RELN: variants seen among roughly 807,000 people sequenced by gnomAD.
RELN encodes the protein reelin.
In RELN, 108 loss-of-function variants were observed where a neutral mutation model predicts 427.6. The observed-to-expected ratio is 0.25, with a 90% confidence interval of 0.22 to 0.30. The LOEUF is 0.30. RELN is among the 10% of genes least tolerant of loss of function. RELN has a pLI of 1.00. For synonymous variants in RELN, 1,524 were observed against 1,513.4 expected (o/e 1.01, Z -0.16); for missense variants, 3,715 against 4,302.8 (o/e 0.86, Z 3.82).
chr7:103,679,606 G>C (rs527931358), intron 11 of RELN, among the ~76,000 whole-genome samples: 1 of 152,228 alleles, frequency 6.6e-6, no homozygotes, highest in South Asian at 2.1e-4. Context: ...AAGAGCACCT[G>C]AGTCATTTGG....
intron 1 of RELN, among the ~76,000 whole-genome samples, chr7:103,920,747 T>C (rs1324946178): frequency 6.6e-6 from 1 of 152,066 alleles, no homozygotes; most frequent in African/African-American, 2.4e-5. Flanking sequence ...CTAATGAATG[T>C]ATTTTTAGTA....
At chr7:103,893,164 G>C (rs921695934) in intron 2 of RELN, among the ~76,000 whole-genome samples, 1 of 152,098 alleles carries the variant, frequency 6.6e-6, no homozygotes, top group Non-Finnish European at 1.5e-5. Flanking sequence ...ACATGAAGAT[G>C]GAATGTAAGG....
At chr7:103,757,281 A>G (rs985289479) in intron 4 of RELN, among the ~76,000 whole-genome samples, 2 of 152,150 alleles carry the variant, frequency 1.3e-5, no homozygotes, top group Non-Finnish European at 2.9e-5. Flanking sequence ...CCAAGTGCTT[A>G]CCCAATGACA....
rs375752077 is a variant in RELN at position 103,604,464 on chromosome 7, G to A, written c.3028C>T (p.Arg1010Cys). 5.6e-6 allele frequency: 9 copies of A among 1,613,794 alleles called. No individual in the cohort carries two copies. The highest frequency in any genetic ancestry group is 1.3e-5 in the African/African-American group (1 of 74,930). The change falls in exon 23 of 65, where the codon CGC becomes TGC. Residue 1010 changes from arginine to cysteine, a missense_variant. Around this residue, in one of 4 missense-constraint regions of RELN, gnomAD observed 2,208 missense variants for 2,361.7 expected, o/e 0.93. Transcript: ENST00000428762. Reference sequence around the variant, plus strand: ...GCTGTGTAATAGCTCTGGCTCCAGCGGAAACGGGTAGCACTGGACCTAGAA... The same window carrying A: ...GCTGTGTAATAGCTCTGGCTCCAGCAGAAACGGGTAGCACTGGACCTAGAA... ...QKTWSSATRF[R>C]WSQSYYTAQD... is the part of the protein sequence containing the mutation.
intron 4 of RELN, among the ~76,000 whole-genome samples, chr7:103,775,262 A>G (rs1301433204): frequency 2.6e-5 from 4 of 152,188 alleles, no homozygotes; most frequent in Admixed American, 6.5e-5. Flanking sequence ...ACAAAGGCAC[A>G]TTTTAATATC....
At chr7:103,873,633 A>C (rs1794405802) in intron 2 of RELN, among the ~76,000 whole-genome samples, 1 of 121,224 alleles carries the variant, frequency 8.2e-6, no homozygotes, top group Non-Finnish European at 1.8e-5. Flanking sequence ...CTCGACACAT[A>C]CACTCTCCCA....
rs1455749393 is a variant in RELN at position 103,603,473 on chromosome 7, T to C, written c.3164A>G (p.Gln1055Arg). The change falls in exon 24 of 65, where the codon CAA becomes CGA. Residue 1055 changes from glutamine to arginine, a missense_variant. Coordinates refer to ENST00000428762, the MANE Select transcript of RELN (RefSeq NM_005045.4). The surrounding 1 kb of genome is among the most constrained non-coding windows in gnomAD (Gnocchi z 4.3). ...AGCTTCTGGGTGGCATTCAGTGCCT[T>C]GGTACCCCTGGTCACACCTATGAGA... is the stretch of plus-strand genomic sequence containing the variant. ...HGICRCDQGYQGTECHPEAAL... is the reference protein window; with the variant it reads ...HGICRCDQGYRGTECHPEAAL... 5 of 1,613,732 alleles carry C rather than the reference T, an allele frequency of 3.1e-6. No homozygotes were observed. The Admixed American group carries it at 5.0e-5, about 16-fold the overall frequency.
At chr7:103,923,863 A>T (rs1166403358) in intron 1 of RELN, among the ~76,000 whole-genome samples, 2 of 152,192 alleles carry the variant, frequency 1.3e-5, no homozygotes, top group African/African-American at 4.8e-5. Context: ...CCTTAATAAT[A>T]ATAATAGCTA....
Position 103,611,615 on chromosome 7 carries a change from T to C in RELN, c.2891A>G (p.Gln964Arg), listed in dbSNP as rs1831959600. 1 of 1,613,590 alleles carries C rather than the reference T, an allele frequency of 6.2e-7. No individual in the cohort carries two copies. The highest frequency in any genetic ancestry group is 8.5e-7 in the Non-Finnish European group (1 of 1,179,722). Residue 964 changes from glutamine to arginine, a missense_variant, in exon 21 of 65, where the codon CAA (glutamine) becomes CGA (arginine). By Grantham distance (43) the Gln-to-Arg change is conservative. Transcript: ENST00000428762. ...GTTTAAGGAAACTAGACTTACTTCTTGGACGAGGTGCCAGGTAAGGCCGTG... is the reference window on the plus strand; with the variant it reads ...GTTTAAGGAAACTAGACTTACTTCTCGGACGAGGTGCCAGGTAAGGCCGTG... Reference protein sequence around the residue: ...TNHGLTWHLVQEECLPSMPSC... With the variant: ...TNHGLTWHLVREECLPSMPSC...
At chr7:103,796,875 CAA>C (rs1310087423) in intron 3 of RELN, among the ~76,000 whole-genome samples, 17 of 67,248 alleles carry the variant, frequency 2.5e-4, no homozygotes, top group African/African-American at 7.5e-4. Flanking sequence ...CTCCATCTCA[CAA>C]AAAAAAAAAA....
At chr7:103,632,070 T>C (rs1193080245) in intron 19 of RELN, among the ~76,000 whole-genome samples, 2 of 152,214 alleles carry the variant, frequency 1.3e-5, no homozygotes, top group East Asian at 3.8e-4. Context: ...AAGCAACTTT[T>C]AAGGAAAATA....
At chr7:103,623,058 A>G (rs1357874455) in intron 20 of RELN, among the ~76,000 whole-genome samples, 1 of 152,248 alleles carries the variant, frequency 6.6e-6, no homozygotes, top group African/African-American at 2.4e-5. Flanking sequence ...TCACTTATAA[A>G]TCTATTCCAT....
chr7:103,702,125 C>T (rs2115802395), intron 8 of RELN, among the ~76,000 whole-genome samples: 1 of 152,312 alleles, frequency 6.6e-6, no homozygotes, highest in South Asian at 2.1e-4. Context: ...AGCTACTGAG[C>T]AACCCTGATC....
chr7:103,917,263 T>G, intron 1 of RELN, 78 bp from the exon 2 acceptor site: 2 of 1,114,166 alleles, frequency 1.8e-6, no homozygotes, highest in Non-Finnish European at 2.7e-6. Flanking sequence ...TTAGACATTG[T>G]CAAAACAATC....
intron 41 of RELN, among the ~76,000 whole-genome samples, chr7:103,547,891 T>C (rs1276207511): frequency 6.6e-6 from 1 of 152,240 alleles, no homozygotes; most frequent in Non-Finnish European, 1.5e-5. Context: ...ATAAATAGGC[T>C]GAAGGGTCTG....
intron 48 of RELN, among the ~76,000 whole-genome samples, chr7:103,521,009 G>A (rs1013650998): frequency 8.9e-6 from 1 of 112,700 alleles, no homozygotes; most frequent in Non-Finnish European, 1.6e-5. Context: ...TCGCTCTGTC[G>A]CCCAGGCGGG....
Position 103,700,963 on chromosome 7 carries a change from G to A in RELN, c.849C>T (p.Ile283=). 4 of 1,612,378 alleles carry A rather than the reference G, an allele frequency of 2.5e-6. No homozygotes were observed. Among genetic ancestry groups the A allele is most frequent in the South Asian group, 1.1e-5 (1 of 91,036 alleles). ...CRFSYSDPSI[I]VLYAKNNSAD... ...CAGAGTTATTCTTGGCATATAACAC[G>A]ATGATGCTGGGGTCTGAATAACTAA... The change falls in exon 9 of 65, where the codon ATC becomes ATT. Residue 283 remains isoleucine, a synonymous_variant. Transcript: ENST00000428762.
rs553497095 is a variant in RELN at position 103,851,103 on chromosome 7, G to A, written c.338-17431C>T. ...CCCAAATGCCCATCCGTCAATGACA[G>A]GATAAAGAAATGGTGATGTACATAT... On this transcript the variant is annotated intron_variant, in intron 2 of 64. Transcript: ENST00000428762. 1.2e-3 allele frequency among the ~76,000 whole-genome samples: 180 copies of A among 152,314 alleles called. 1 individual carries two copies. Among genetic ancestry groups the A allele is most frequent in the African/African-American group, 4.3e-3 (177 of 41,556 alleles).
chr7:103,928,351 C>T (rs1325028364), intron 1 of RELN, among the ~76,000 whole-genome samples: 1 of 152,260 alleles, frequency 6.6e-6, no homozygotes, highest in Non-Finnish European at 1.5e-5. Context: ...ACTTTTATAA[C>T]CAAAACTTTC....
Sources: allele counts gnomAD v4.1 joint callset (sites outside exome capture counted in the v4.1 genomes callset), GRCh38; gene constraint gnomAD v4.1.1; regional missense constraint gnomAD v4.1.1; non-coding constraint Gnocchi (gnomAD v3.1); transcripts MANE v1.5; gene names NCBI Gene and HGNC (gene_info 2026-07-23, HGNC 2026-07-21).